ADORA1: variants seen among roughly 807,000 people sequenced by gnomAD.
The protein encoded by ADORA1 is adenosine receptor A1.
A neutral mutation model predicts 19.9 loss-of-function variants in ADORA1; 6 were observed. That is an observed-to-expected ratio of 0.30 (90% CI 0.17 to 0.59). ADORA1 has a LOEUF of 0.59. ADORA1 is among the 20% of genes least tolerant of loss of function. The probability of loss-of-function intolerance (pLI) is 0.87; values close to 1 mark genes in which losing one functional copy is unlikely to be tolerated. For synonymous variants in ADORA1, 194 were observed against 188.4 expected, an observed-to-expected ratio of 1.03 and a Z score of -0.24; for missense variants, 302 against 439.2, an observed-to-expected ratio of 0.69 and a Z score of 2.79.
intron 3 of ADORA1, among the ~76,000 whole-genome samples, chr1:203,154,706 A>G (rs61821140): frequency 0.042 from 6,319 of 152,188 alleles, 185 homozygotes; most frequent in South Asian, 0.077. Context: ...TTTCCCATGG[A>G]CCTGGATAGC....
At chr1:203,130,551 C>A (rs1031615548) in intron 3 of ADORA1, among the ~76,000 whole-genome samples, 1 of 152,208 alleles carries the variant, frequency 6.6e-6, no homozygotes, top group Non-Finnish European at 1.5e-5. Context: ...ATAGGCTCAT[C>A]CACTGAGGGG....
chr1:203,162,372 G>A (rs1655400209), intron 3 of ADORA1, among the ~76,000 whole-genome samples: 1 of 152,126 alleles, frequency 6.6e-6, no homozygotes, highest in Non-Finnish European at 1.5e-5. Context: ...TCAGAAGGGT[G>A]AGGGGTGAGG....
At chr1:203,133,351 G>C (rs1654402519) in intron 3 of ADORA1, among the ~76,000 whole-genome samples, 1 of 152,178 alleles carries the variant, frequency 6.6e-6, no homozygotes, top group African/African-American at 2.4e-5. Context: ...TTGACCTCAG[G>C]TGAGCCACCC....
intron 3 of ADORA1, among the ~76,000 whole-genome samples, chr1:203,154,710 G>T (rs1571804385): frequency 6.6e-6 from 1 of 152,240 alleles, no homozygotes; most frequent in South Asian, 2.1e-4. Context: ...CCATGGACCT[G>T]GATAGCCCCA....
chr1:203,161,623 G>A (rs1316865883), intron 3 of ADORA1, among the ~76,000 whole-genome samples: 1 of 148,560 alleles, frequency 6.7e-6, no homozygotes, highest in African/African-American at 2.5e-5. Context: ...CTAGGCTGGT[G>A]TGCAATGGCG....
Position 203,161,249 on chromosome 1 carries a change from A to G in ADORA1, c.342-4012A>G, listed in dbSNP as rs949244114. ...TCAGTCTTTTCATGTTATCATCATC[A>G]ATGAGAAGTTCCGACTAATAAACTA... On this transcript the variant is annotated intron_variant, in intron 3 of 3. Transcript: ENST00000337894. 3.9e-5 allele frequency among the ~76,000 whole-genome samples: 6 copies of G among 152,156 alleles called. 1 individual carries two copies. Among genetic ancestry groups the G allele is most frequent in the Non-Finnish European group, 8.8e-5 (6 of 68,038 alleles).
intron 3 of ADORA1, among the ~76,000 whole-genome samples, chr1:203,150,958 T>G (rs1655012564): frequency 6.6e-6 from 1 of 152,186 alleles, no homozygotes; most frequent in South Asian, 2.1e-4. Context: ...GCACCTCCTC[T>G]TGTCACTCCA....
intron 3 of ADORA1, among the ~76,000 whole-genome samples, chr1:203,161,735 C>T (rs558988652): frequency 1.3e-5 from 2 of 152,204 alleles, no homozygotes; most frequent in Admixed American, 1.3e-4. Context: ...CCACGCCTGA[C>T]TAATTTTGTA....
intron 3 of ADORA1, among the ~76,000 whole-genome samples, chr1:203,143,617 T>A (rs1266781681): frequency 1.3e-5 from 2 of 152,172 alleles, no homozygotes; most frequent in Non-Finnish European, 1.5e-5. Context: ...AAAATAATAT[T>A]CTTGGCTTCC....
intron 3 of ADORA1, among the ~76,000 whole-genome samples, chr1:203,133,640 G>C (rs557963652): frequency 1.3e-5 from 2 of 152,290 alleles, no homozygotes; most frequent in African/African-American, 4.8e-5. Context: ...TCTGATCTTT[G>C]CCAATGGCCT....
chr1:203,138,485 C>T (rs537854591), intron 3 of ADORA1, among the ~76,000 whole-genome samples: 17 of 152,160 alleles, frequency 1.1e-4, no homozygotes, highest in Non-Finnish European at 2.4e-4. Flanking sequence ...TGAAGGAGAA[C>T]TCCAGACATA....
Position 203,128,273 on chromosome 1 carries a change from G to A in ADORA1, c.-212-5G>A. On this transcript the variant is annotated splice_region_variant and splice_polypyrimidine_tract_variant and intron_variant, in intron 1 of 3. Coordinates refer to ENST00000337894, the MANE Select transcript of ADORA1 (RefSeq NM_000674.3). This position sits in a 1 kb window ranked among gnomAD's most constrained non-coding sequence, Gnocchi z 5.9. ...TCTCTGCCGTACCATGTGATTGCTT[G>A]AAAGGCCGGGCTGGGAGCGCTGCGG... 8.0e-7 allele frequency: 1 copy of A among 1,253,880 alleles called. No homozygotes were observed. Among genetic ancestry groups the A allele is most frequent in the African/African-American group, 1.5e-5 (1 of 65,076 alleles). 77.7% of individuals were successfully genotyped at this position (1,253,880 alleles called of 1,614,324 possible).
intron 3 of ADORA1, 34 bp downstream of exon 3, chr1:203,129,216 C>A (rs201920408): frequency 3.2e-6 from 5 of 1,572,356 alleles, no homozygotes; most frequent in Non-Finnish European, 4.3e-6. Flanking sequence ...CTCGCAGCAC[C>A]ACATGATGGC....
At chr1:203,129,955 C>G (rs1354840219) in intron 3 of ADORA1, among the ~76,000 whole-genome samples, 1 of 152,226 alleles carries the variant, frequency 6.6e-6, no homozygotes, top group South Asian at 2.1e-4. Flanking sequence ...GGTGTCCAGC[C>G]CATGTTGGAG....
intron 3 of ADORA1, among the ~76,000 whole-genome samples, chr1:203,161,137 A>C (rs1207821269): frequency 6.6e-6 from 1 of 152,208 alleles, no homozygotes; most frequent in East Asian, 1.9e-4. Flanking sequence ...GCCAACACTG[A>C]GAGGTTCAAT....
chr1:203,140,850 C>T (rs1310946984), intron 3 of ADORA1, among the ~76,000 whole-genome samples: 65 of 152,344 alleles, frequency 4.3e-4, no homozygotes, highest in Admixed American at 4.2e-3. Flanking sequence ...ACATTAAGGC[C>T]TCTTTTCCCT....
At chr1:203,130,163 C>T (rs112550883) in intron 3 of ADORA1, among the ~76,000 whole-genome samples, 10 of 152,376 alleles carry the variant, frequency 6.6e-5, no homozygotes, top group East Asian at 3.9e-4. Context: ...CTGCCACCCC[C>T]GGCATAGCTT....
chr1:203,142,493 TA>T (rs1423897205), intron 3 of ADORA1, among the ~76,000 whole-genome samples: 1 of 152,220 alleles, frequency 6.6e-6, no homozygotes, highest in Admixed American at 6.5e-5. Context: ...TTGGATATTT[TA>T]TATTCGCCTA....
chr1:203,135,012 C>G (rs1286627679), intron 3 of ADORA1, among the ~76,000 whole-genome samples: 2 of 152,194 alleles, frequency 1.3e-5, no homozygotes, highest in African/African-American at 4.8e-5. Context: ...GGGGCCTTCC[C>G]TGAGCCCCAC....
Sources: allele counts gnomAD v4.1 joint callset (sites outside exome capture counted in the v4.1 genomes callset), GRCh38; gene constraint gnomAD v4.1.1; non-coding constraint Gnocchi (gnomAD v3.1); transcripts MANE v1.5; gene names NCBI Gene and HGNC (gene_info 2026-07-23, HGNC 2026-07-21).